RAB27B: variants seen among roughly 807,000 people sequenced by gnomAD.
RAB27B encodes RAB27B, member RAS oncogene family, also known as ras-related protein Rab-27B.
Under a neutral mutation model 24.6 loss-of-function variants are expected in RAB27B, and 15 were observed. That is an observed-to-expected ratio of 0.61 (90% CI 0.41 to 0.94). The LOEUF (loss-of-function observed/expected upper bound fraction) is 0.94, where lower values mean the gene tolerates loss of function less well. Among genes scored for constraint, RAB27B ranks in the 40% least tolerant of loss-of-function variants. The pLI, the probability that RAB27B is intolerant of heterozygous loss-of-function variation, is 0.00. For missense variants in RAB27B, 261 were observed against 266.8 expected (o/e 0.98, Z 0.15); for synonymous variants, 105 against 92.5 (o/e 1.14, Z -0.78).
At chr18:54,817,811 G>A (rs900850783) in intron 2 of RAB27B, among the ~76,000 whole-genome samples, 1 of 151,508 alleles carries the variant, frequency 6.6e-6, no homozygotes, top group African/African-American at 2.4e-5. Flanking sequence ...AATCCTTAAC[G>A]GTGACACTAA....
At chr18:54,871,863 AAAAAAAG>A (rs1432697855) in intron 1 of RAB27B, among the ~76,000 whole-genome samples, 1 of 151,876 alleles carries the variant, frequency 6.6e-6, no homozygotes, top group African/African-American at 2.4e-5. Flanking sequence ...AAAAAAAAAA[AAAAAAAG>A]AAATATTAAG....
chr18:54,861,253 T>C (rs993346683), intron 1 of RAB27B, among the ~76,000 whole-genome samples: 4 of 152,206 alleles, frequency 2.6e-5, no homozygotes, highest in African/African-American at 9.6e-5. Flanking sequence ...GAAAACTTAG[T>C]AAATCATTTT....
chr18:54,729,978 A>G (rs1196416911), intron 2 of RAB27B, among the ~76,000 whole-genome samples: 1 of 151,718 alleles, frequency 6.6e-6, no homozygotes, highest in Non-Finnish European at 1.5e-5. Flanking sequence ...TCCATTTGGT[A>G]TAATTTGCTA....
At chr18:54,722,226 G>C (rs894450876) in intron 2 of RAB27B, among the ~76,000 whole-genome samples, 1 of 152,168 alleles carries the variant, frequency 6.6e-6, no homozygotes, top group Non-Finnish European at 1.5e-5. Flanking sequence ...GGTGAATTCT[G>C]TCACAGAGTT....
intron 1 of RAB27B, among the ~76,000 whole-genome samples, chr18:54,868,003 G>A (rs1250790685): frequency 6.6e-6 from 1 of 152,188 alleles, no homozygotes; most frequent in Non-Finnish European, 1.5e-5. Flanking sequence ...GTTGAAATGT[G>A]TTTTCCAATG....
At chr18:54,757,831 T>C (rs1300235515) in intron 2 of RAB27B, among the ~76,000 whole-genome samples, 3 of 152,002 alleles carry the variant, frequency 2.0e-5, no homozygotes, top group Admixed American at 1.3e-4. Flanking sequence ...TAATTATAAA[T>C]ACAAAATTAG....
At chr18:54,756,929 C>A (rs949267843) in intron 2 of RAB27B, among the ~76,000 whole-genome samples, 4 of 152,094 alleles carry the variant, frequency 2.6e-5, no homozygotes, top group African/African-American at 9.7e-5. Flanking sequence ...GGGTAATCTT[C>A]ATGGAAACAG....
At chr18:54,824,020 ATTTC>A (rs1410608140), upstream of RAB27B, among the ~76,000 whole-genome samples, 8 of 152,048 alleles carry the variant, frequency 5.3e-5, no homozygotes, top group Admixed American at 2.6e-4. Flanking sequence ...CTATCCTGCT[ATTTC>A]TTTATTTAGC....
At chr18:54,784,376 G>C (rs1472340417) in intron 2 of RAB27B, among the ~76,000 whole-genome samples, 5 of 152,068 alleles carry the variant, frequency 3.3e-5, no homozygotes, top group Admixed American at 3.3e-4. Flanking sequence ...GCTGTGGTTT[G>C]GGCTTCTAAT....
chr18:54,747,846 G>T (rs1268541219), intron 2 of RAB27B, among the ~76,000 whole-genome samples: 2 of 152,152 alleles, frequency 1.3e-5, no homozygotes, highest in African/African-American at 4.8e-5. Flanking sequence ...GGTGGCTCCT[G>T]CCTATAGTCC....
chr18:54,767,891 T>G (rs1183981437), intron 2 of RAB27B, among the ~76,000 whole-genome samples: 3 of 152,188 alleles, frequency 2.0e-5, no homozygotes, highest in Non-Finnish European at 2.9e-5. Context: ...TAAAGTTGCC[T>G]AGAATCATCT....
intron 2 of RAB27B, among the ~76,000 whole-genome samples, chr18:54,728,164 C>A (rs976981528): frequency 6.6e-6 from 1 of 152,130 alleles, no homozygotes; most frequent in Non-Finnish European, 1.5e-5. Context: ...TAGGAACACA[C>A]CAAAAAAGCT....
chr18:54,840,892 T>C lies in RAB27B; in HGVS notation c.-20+12192T>C, dbSNP rs568674733. On this transcript the variant is annotated intron_variant, in intron 1 of 5. Coordinates refer to ENST00000262094, the MANE Select transcript of RAB27B (RefSeq NM_004163.4). ...GGGCACGGTGGGTGGCTCAAGCCTG[T>C]AATCCCAGCACTTTGGGAGGCTGAG... Among the ~76,000 whole-genome samples, 6 of 152,194 alleles carry C rather than the reference T, an allele frequency of 3.9e-5. No homozygotes were observed. In the East Asian group the frequency reaches 9.6e-4, roughly 24 times the overall value.
rs1178474036 is a variant in RAB27B, at chr18:54,724,308, G to A, written c.-20+6167G>A. 1.3e-5 allele frequency among the ~76,000 whole-genome samples: 2 copies of A among 151,582 alleles called. 1 individual carries two copies. Among genetic ancestry groups the A allele is most frequent in the Non-Finnish European group, 2.9e-5 (2 of 67,816 alleles). On this transcript the variant is annotated intron_variant, in intron 2 of 4. Coordinates refer to the RAB27B transcript ENST00000586570. ...AATTCTCAGTAAACTCAATGTGAGTGGACAATGCAATGTGGCTACTAGAAA... is the reference window on the plus strand; with the variant it reads ...AATTCTCAGTAAACTCAATGTGAGTAGACAATGCAATGTGGCTACTAGAAA...
chr18:54,768,148 G>A (rs578225606), intron 2 of RAB27B, among the ~76,000 whole-genome samples: 4 of 152,164 alleles, frequency 2.6e-5, no homozygotes, highest in South Asian at 2.1e-4. Context: ...TTTGTGGGAT[G>A]AGTGGAAATT....
chr18:54,849,301 G>T (rs1911459797), intron 1 of RAB27B, among the ~76,000 whole-genome samples: 1 of 152,200 alleles, frequency 6.6e-6, no homozygotes, highest in Non-Finnish European at 1.5e-5. Context: ...TTTCCAATGG[G>T]ATGCTAGCTT....
chr18:54,824,689 T>G (rs1364377513), upstream of RAB27B, among the ~76,000 whole-genome samples: 5 of 152,164 alleles, frequency 3.3e-5, no homozygotes, highest in Non-Finnish European at 7.3e-5. Flanking sequence ...CCTCCCCACC[T>G]GCAAGGGGCT....
chr18:54,883,069 AG>A (rs1912991998), intron 3 of RAB27B, among the ~76,000 whole-genome samples: 1 of 152,128 alleles, frequency 6.6e-6, no homozygotes, highest in African/African-American at 2.4e-5. Flanking sequence ...CAGGTGAAGG[AG>A]GAAGGGATCA....
rs200400471 is a variant in RAB27B, at chr18:54,818,467, A to AT, written c.-19-59090dup. ...GCTTATACAAATGATGAAGTTCCAT[A>AT]TTTTTTTTTTGGTGTAAGACTGCTT... On this transcript the variant is annotated intron_variant, in intron 2 of 4. Transcript: ENST00000586570. Among the ~76,000 whole-genome samples, 194 of 148,876 alleles carry AT rather than the reference A, an allele frequency of 1.3e-3. 2 individuals are homozygous for AT. In the East Asian group the frequency reaches 0.015, roughly 12 times the overall value.
Sources: gnomAD v4.1 joint callset for allele counts (sites outside exome capture counted in the v4.1 genomes callset) on GRCh38, gnomAD v4.1.1 for gene constraint, MANE v1.5 for transcripts, NCBI Gene and HGNC (gene_info 2026-07-23, HGNC 2026-07-21) for gene names.